The following ADCY2 variants were observed in gnomAD, a reference collection of about 807,000 sequenced individuals.
The protein encoded by ADCY2 is adenylate cyclase type 2.
ADCY2 carries 31 observed loss-of-function variants against 125.2 expected under a neutral mutation model. The observed-to-expected ratio is 0.25, with a 90% CI of 0.19 to 0.33. The LOEUF (loss-of-function observed/expected upper bound fraction) is 0.33, where lower values mean the gene tolerates loss of function less well. Among genes scored for constraint, ADCY2 ranks in the 10% least tolerant of loss-of-function variants. The probability of loss-of-function intolerance (pLI) is 1.00; values close to 1 mark genes in which losing one functional copy is unlikely to be tolerated. For synonymous variants in ADCY2, 512 were observed against 548.4 expected, an observed-to-expected ratio of 0.93 and a Z score of 0.93; for missense variants, 904 against 1,418.2, an observed-to-expected ratio of 0.64 and a Z score of 5.82.
chr5:7,702,699 C>G (rs190129014), intron 7 of ADCY2, among the ~76,000 whole-genome samples: 2 of 152,290 alleles, frequency 1.3e-5, no homozygotes, highest in East Asian at 3.9e-4. Flanking sequence ...CGTGTGCATG[C>G]GTCTTTATAG....
chr5:7,439,863 G>A (rs562691262), intron 2 of ADCY2, among the ~76,000 whole-genome samples: 1 of 152,292 alleles, frequency 6.6e-6, no homozygotes, highest in East Asian at 1.9e-4. Context: ...AGAAATGGGA[G>A]ACACAGGTGG....
chr5:7,416,819 G>A (rs908857900), intron 2 of ADCY2, among the ~76,000 whole-genome samples: 1 of 152,156 alleles, frequency 6.6e-6, no homozygotes, highest in African/African-American at 2.4e-5. Flanking sequence ...AGATCCTGCT[G>A]GTCGGTTGCC....
intron 3 of ADCY2, among the ~76,000 whole-genome samples, chr5:7,613,485 C>T (rs567459528): frequency 1.1e-4 from 17 of 152,234 alleles, no homozygotes; most frequent in Admixed American, 5.9e-4. Flanking sequence ...CCATGATTGG[C>T]GGTGGGGGGT....
At chr5:7,693,413 G>GTTTTTTTTTTTTTTTTTTTTTTTTTTT (rs70940751) in intron 5 of ADCY2, among the ~76,000 whole-genome samples, 11 of 32,412 alleles carry the variant, frequency 3.4e-4, no homozygotes, top group Admixed American at 8.1e-4. Context: ...GCTGTTTTTT[G>GTTTTTTTTTTTTTTTTTTTTTTTTTTT]TTTTTTTTTT....
chr5:7,589,458 A>AAAACAAAGAAAGAAAG (rs1554022170), intron 3 of ADCY2, among the ~76,000 whole-genome samples: 1 of 72,932 alleles, frequency 1.4e-5, no homozygotes. Flanking sequence ...GAAGGAAAGA[A>AAAACAAAGAAAGAAAG]AAAGAAAGAA....
chr5:7,773,602 A>T (rs924622240), intron 18 of ADCY2, among the ~76,000 whole-genome samples: 1 of 152,220 alleles, frequency 6.6e-6, no homozygotes, highest in South Asian at 2.1e-4. Flanking sequence ...AATATTGAAA[A>T]AATAAGTAGC....
intron 4 of ADCY2, among the ~76,000 whole-genome samples, chr5:7,666,350 G>A (rs1197732913): frequency 6.6e-6 from 1 of 151,746 alleles, no homozygotes; most frequent in East Asian, 2.0e-4. Context: ...CTCACTGCAA[G>A]CTCAGCCTCC....
chr5:7,772,703 T>C (rs1357904861), intron 17 of ADCY2, among the ~76,000 whole-genome samples: 1 of 151,900 alleles, frequency 6.6e-6, no homozygotes, highest in Non-Finnish European at 1.5e-5. Context: ...ATGCTTCTTT[T>C]TATTTATCAT....
At chr5:7,811,817 A>G (rs1055907665) in intron 22 of ADCY2, among the ~76,000 whole-genome samples, 4 of 152,078 alleles carry the variant, frequency 2.6e-5, no homozygotes, top group African/African-American at 4.8e-5. Context: ...TATTGGCAAA[A>G]CTGAGCTGAC....
intron 3 of ADCY2, among the ~76,000 whole-genome samples, chr5:7,567,380 A>G (rs1434585538): frequency 6.6e-6 from 1 of 152,156 alleles, no homozygotes; most frequent in Non-Finnish European, 1.5e-5. Context: ...TTTTTTCCCT[A>G]AAATGATAAG....
rs544338151 is a variant in ADCY2, at chr5:7,403,861, T to C, written c.210+7355T>C. Among the ~76,000 whole-genome samples the C allele has an allele frequency of 2.6e-5, 4 of 152,246 alleles. No individual in the cohort carries two copies. The South Asian group carries it at 8.3e-4, about 32-fold the overall frequency. Reference sequence around the variant, plus strand: ...ATCTGTCATATATCAAAATTCTACATATGGTTGGCTGGTTATGGGCTGTTC... The same window carrying C: ...ATCTGTCATATATCAAAATTCTACACATGGTTGGCTGGTTATGGGCTGTTC... On this transcript the variant is annotated intron_variant, in intron 1 of 24. Transcript: ENST00000338316.
chr5:7,623,325 G>A (rs1469822953), intron 3 of ADCY2, among the ~76,000 whole-genome samples: 3 of 152,216 alleles, frequency 2.0e-5, no homozygotes, highest in African/African-American at 7.2e-5. Context: ...GAAGGAGTTA[G>A]TATTTTCTAA....
chr5:7,435,667 T>C (rs1301769396), intron 2 of ADCY2, among the ~76,000 whole-genome samples: 1 of 152,244 alleles, frequency 6.6e-6, no homozygotes, highest in Non-Finnish European at 1.5e-5. Flanking sequence ...AAATACCAGC[T>C]TAGGTTTCTT....
intron 18 of ADCY2, 140 bp from the exon 19 acceptor site, chr5:7,784,225 G>C: frequency 1.6e-6 from 1 of 622,686 alleles, no homozygotes; most frequent in South Asian, 2.2e-5. Flanking sequence ...TTTGGAAGGA[G>C]ATTTGAAACT....
rs1743606438 is a variant in ADCY2, at chr5:7,773,092, T to C, written c.2375T>C (p.Leu792Ser). The change falls in exon 18 of 25, where the codon TTA becomes TCA. Residue 792 changes from leucine to serine, a missense_variant. Leu to Ser is a moderately radical substitution (Grantham distance 145). This residue lies in a region of ADCY2 where 221 missense variants were observed against 246.2 expected (regional missense o/e 0.90). Transcript: ENST00000338316. ...AHVLGDYSQV[L>S]FERPGIWKDL... ...GTCCTGGGCGACTACAGCCAGGTCT[T>C]ATTTGAGAGGTGAGCCACGGCCTCT... 6.2e-7 allele frequency: 1 copy of C among 1,613,798 alleles called. No homozygotes were observed. Among genetic ancestry groups the C allele is most frequent in the African/African-American group, 1.3e-5 (1 of 74,930 alleles).
intron 2 of ADCY2, among the ~76,000 whole-genome samples, chr5:7,446,537 A>AATAC (rs59436276): frequency 0.12 from 18,551 of 150,774 alleles, 1,327 homozygotes; most frequent in African/African-American, 0.21. Flanking sequence ...CTCTGAAATA[A>AATAC]ATACATACAT....
intron 3 of ADCY2, among the ~76,000 whole-genome samples, chr5:7,574,869 A>C (rs1736193336): frequency 6.6e-6 from 1 of 152,268 alleles, no homozygotes; most frequent in Admixed American, 6.5e-5. Flanking sequence ...AGAAAGAATT[A>C]GGTGTCTGAC....
chr5:7,442,150 C>T (rs1020554699), intron 2 of ADCY2, among the ~76,000 whole-genome samples: 1 of 152,110 alleles, frequency 6.6e-6, no homozygotes, highest in African/African-American at 2.4e-5. Flanking sequence ...CTGTTGTTTG[C>T]ATTTGGTTTG....
At chr5:7,626,684 CCAGGCTCTTTTGAA>C (rs1259926656) in intron 4 of ADCY2, among the ~76,000 whole-genome samples, 2 of 152,050 alleles carry the variant, frequency 1.3e-5, no homozygotes, top group Non-Finnish European at 2.9e-5. Context: ...AGGGGCAGTG[CCAGGCTCTTTTGAA>C]CAACCAACTC....
Sources: allele counts gnomAD v4.1 joint callset (sites outside exome capture counted in the v4.1 genomes callset), GRCh38; gene constraint gnomAD v4.1.1; regional missense constraint gnomAD v4.1.1; transcripts MANE v1.5; gene names NCBI Gene and HGNC (gene_info 2026-07-23, HGNC 2026-07-21).